Variants in PALM2AKAP2 observed in about 807,000 individuals in gnomAD.
PALM2AKAP2 encodes PALM2-AKAP2 fusion protein.
PALM2AKAP2 carries 37 observed loss-of-function variants against 71.5 expected under a neutral mutation model. The observed-to-expected ratio is 0.52, with a 90% CI of 0.40 to 0.68. The LOEUF is 0.68. PALM2AKAP2 is among the 30% of genes least tolerant of loss of function. PALM2AKAP2 has a pLI of 0.00. For synonymous variants in PALM2AKAP2, 468 were observed against 478.8 expected, an observed-to-expected ratio of 0.98 and a Z score of 0.29; for missense variants, 1,224 against 1,191.8, an observed-to-expected ratio of 1.03 and a Z score of -0.40.
At chr9:110,125,612 T>A in intron 1 of PALM2AKAP2, 1 of 984,460 alleles carries the variant, frequency 1.0e-6, no homozygotes, top group African/African-American at 1.7e-5. Context: ...CCAAGTCTGC[T>A]GACTTATCTT....
Position 109,701,775 on chromosome 9 carries a change from G to A in PALM2AKAP2, c.5+60909G>A, listed in dbSNP as rs867465511. On this transcript the variant is annotated intron_variant, in intron 1 of 6. Transcript: ENST00000374531. ...TAATTAAACTAAAGAGCTTCTGCAC[G>A]GCAAAAGAAACTACCATCAGAGTGA... is the stretch of plus-strand genomic sequence containing the variant. Among the ~76,000 whole-genome samples the A allele has an allele frequency of 1.9e-3, 285 of 152,122 alleles. 1 individual carries two copies. The highest frequency in any genetic ancestry group is 7.5e-3 in the East Asian group (39 of 5,166).
intron 1 of PALM2AKAP2, among the ~76,000 whole-genome samples, chr9:109,704,596 C>G (rs1371683824): frequency 1.3e-5 from 2 of 152,146 alleles, no homozygotes; most frequent in Non-Finnish European, 2.9e-5. Flanking sequence ...CTACAGGGAG[C>G]CAGAGGGTGG....
At chr9:109,797,895 T>C (rs1164755505) in intron 1 of PALM2AKAP2, among the ~76,000 whole-genome samples, 1 of 152,220 alleles carries the variant, frequency 6.6e-6, no homozygotes, top group Admixed American at 6.5e-5. Flanking sequence ...CTAGTTCTTT[T>C]TTCCCCTAGA....
chr9:109,971,957 T>G (rs1832077626), intron 6 of PALM2AKAP2, among the ~76,000 whole-genome samples: 1 of 152,206 alleles, frequency 6.6e-6, no homozygotes, highest in East Asian at 1.9e-4. Context: ...AAATGCTGCC[T>G]ACTCTCTGAA....
At chr9:109,780,039 G>T (rs974629710), upstream of PALM2AKAP2, among the ~76,000 whole-genome samples, 10 of 151,362 alleles carry the variant, frequency 6.6e-5, no homozygotes, top group Admixed American at 6.6e-4. Flanking sequence ...TGGCTCGCGC[G>T]CCCTCCGTCT....
exon 2 of PALM2AKAP2, chr9:110,136,627 A>C: frequency 6.2e-7 from 1 of 1,614,100 alleles, no homozygotes; most frequent in Middle Eastern, 1.6e-4. Context: ...AGGCAGAAAG[A>C]ACAAATGGCC....
At chr9:109,966,502 T>C (rs1831953523) in intron 6 of PALM2AKAP2, among the ~76,000 whole-genome samples, 2 of 152,254 alleles carry the variant, frequency 1.3e-5, no homozygotes, top group Admixed American at 1.3e-4. Flanking sequence ...GTCCTGTTTC[T>C]TCCTCTATCA....
intron 2 of PALM2AKAP2, among the ~76,000 whole-genome samples, chr9:109,874,629 A>G (rs755569925): frequency 1.3e-5 from 2 of 152,148 alleles, no homozygotes; most frequent in Non-Finnish European, 2.9e-5. Flanking sequence ...TCCATGTTCA[A>G]CTGCTTTTCT....
chr9:110,048,650 G>A, upstream of PALM2AKAP2: 1 of 1,471,990 alleles, frequency 6.8e-7, no homozygotes, highest in East Asian at 2.7e-5. Context: ...GGAGCAGGCG[G>A]GCGGGGCTCC....
At chr9:110,009,574 CG>C (rs762674362) in intron 6 of PALM2AKAP2, among the ~76,000 whole-genome samples, 6 of 151,854 alleles carry the variant, frequency 4.0e-5, no homozygotes, top group Non-Finnish European at 8.8e-5. Flanking sequence ...ATTAGCTGGG[CG>C]TGGTAGCGGG....
intron 5 of PALM2AKAP2, among the ~76,000 whole-genome samples, chr9:109,928,298 A>G (rs974039899): frequency 6.6e-6 from 1 of 152,102 alleles, no homozygotes; most frequent in African/African-American, 2.4e-5. Context: ...GTTTTCATCA[A>G]TTTGTTTCTC....
intron 1 of PALM2AKAP2, among the ~76,000 whole-genome samples, chr9:109,648,042 G>T (rs1827177493): frequency 6.6e-6 from 1 of 152,146 alleles, no homozygotes; most frequent in Non-Finnish European, 1.5e-5. Flanking sequence ...TTATGGGGAT[G>T]GTTTCCCCCA....
intron 6 of PALM2AKAP2, among the ~76,000 whole-genome samples, chr9:109,957,384 G>A (rs1459764549): frequency 6.6e-6 from 1 of 152,164 alleles, no homozygotes; most frequent in Non-Finnish European, 1.5e-5. Context: ...TCTGCCTCCT[G>A]GGCGTTAGCA....
intron 1 of PALM2AKAP2, among the ~76,000 whole-genome samples, chr9:110,076,865 T>C (rs1834335189): frequency 6.6e-6 from 1 of 152,176 alleles, no homozygotes; most frequent in African/African-American, 2.4e-5. Context: ...GTATCACTGC[T>C]TGGGGCTCCC....
At chr9:109,967,771 A>T (rs1316127392) in intron 6 of PALM2AKAP2, among the ~76,000 whole-genome samples, 1 of 152,292 alleles carries the variant, frequency 6.6e-6, no homozygotes, top group East Asian at 1.9e-4. Context: ...CAAAACCACC[A>T]CAATGGCCTG....
At chr9:110,120,705 A>G (rs1022688302) in intron 1 of PALM2AKAP2, among the ~76,000 whole-genome samples, 1 of 152,172 alleles carries the variant, frequency 6.6e-6, no homozygotes, top group Non-Finnish European at 1.5e-5. Context: ...AGGTTTCACC[A>G]TGTTGGCCAG....
intron 1 of PALM2AKAP2, among the ~76,000 whole-genome samples, chr9:109,648,084 C>T (rs566157088): frequency 6.6e-6 from 1 of 152,186 alleles, no homozygotes; most frequent in African/African-American, 2.4e-5. Flanking sequence ...TGAATTCTCA[C>T]AAGATCTGAT....
At chr9:109,765,072 C>G (rs1022271418) in intron 1 of PALM2AKAP2, among the ~76,000 whole-genome samples, 1 of 152,132 alleles carries the variant, frequency 6.6e-6, no homozygotes. Context: ...ATGTCTAAAG[C>G]CTTAAAATAA....
At chr9:109,951,159 AG>A (rs1050833981) in intron 6 of PALM2AKAP2, among the ~76,000 whole-genome samples, 12 of 137,140 alleles carry the variant, frequency 8.8e-5, no homozygotes, top group African/African-American at 3.2e-4. Flanking sequence ...CAGTGAATGT[AG>A]GTTGTTGGTG....
Sources: gnomAD v4.1 joint callset for allele counts (sites outside exome capture counted in the v4.1 genomes callset) on GRCh38, gnomAD v4.1.1 for gene constraint, MANE v1.5 for transcripts, NCBI Gene and HGNC (gene_info 2026-07-23, HGNC 2026-07-21) for gene names.